The following DNAJC10 variants were observed in gnomAD, a reference collection of about 807,000 sequenced individuals.
DNAJC10 encodes endoplasmic reticulum disulfide reductase DNAJC10.
Under a neutral mutation model 115.0 loss-of-function variants are expected in DNAJC10, and 101 were observed. The observed-to-expected ratio is 0.88, with a 90% confidence interval of 0.75 to 1.04. DNAJC10 has a LOEUF of 1.04. Ranked by LOEUF, DNAJC10 falls within the 50% of genes least tolerant of loss-of-function variation. The pLI, the probability that DNAJC10 is intolerant of heterozygous loss-of-function variation, is 0.00. For synonymous variants in DNAJC10, 307 were observed against 301.5 expected (o/e 1.02, Z -0.19); for missense variants, 981 against 928.8 (o/e 1.06, Z -0.73).
Position 182,755,100 on chromosome 2 carries a change from T to C in DNAJC10, c.1649T>C (p.Ile550Thr), listed in dbSNP as rs781779406. 1.9e-6 allele frequency: 3 copies of C among 1,575,722 alleles called. No homozygotes were observed. The highest frequency in any genetic ancestry group is 2.2e-5 in the South Asian group (2 of 90,240). Residue 550 changes from isoleucine to threonine, a missense_variant, in exon 17 of 24, where the codon ATA becomes ACA. Physicochemically the swap from Ile to Thr is moderately conservative, Grantham distance 89. Coordinates refer to ENST00000264065, the MANE Select transcript of DNAJC10 (RefSeq NM_018981.4). Reference sequence around the variant, plus strand: ...TCTGCTGAACAAATCTTGGAGTTCATAGAGGTATTTCAGATTATAGACTAT... The same window carrying C: ...TCTGCTGAACAAATCTTGGAGTTCACAGAGGTATTTCAGATTATAGACTAT... Reference protein sequence around the residue: ...HHSAEQILEFIEDLMNPSVVS... With the variant: ...HHSAEQILEFTEDLMNPSVVS...
rs568173232 is a variant in DNAJC10 at position 182,785,416 on chromosome 2, A to G, written c.*8284A>G. 6.6e-6 allele frequency: 1 copy of G among 152,152 alleles called. No individual in the cohort carries two copies. The highest frequency in any genetic ancestry group is 6.5e-5 in the Admixed American group (1 of 15,274). 9.4% of individuals were successfully genotyped at this position (152,152 alleles called of 1,614,324 possible). A position where few individuals can be genotyped will look rare whatever the true frequency, so the allele number is the denominator to read the frequency against. On this transcript the variant is annotated 3_prime_UTR_variant, in exon 24 of 24. Coordinates refer to ENST00000264065, the MANE Select transcript of DNAJC10 (RefSeq NM_018981.4). Reference sequence around the variant, plus strand: ...CTTGGTCACAGAAATGGGTGTACTGAATTCTCGCCCTGTAGTCAAGTACTT... The same window carrying G: ...CTTGGTCACAGAAATGGGTGTACTGGATTCTCGCCCTGTAGTCAAGTACTT...
chr2:182,741,141 A>G, intron 12 of DNAJC10, 102 bp from the exon 13 acceptor site: 3 of 706,540 alleles, frequency 4.2e-6, no homozygotes, highest in East Asian at 2.9e-5. Context: ...ATTTTGAAAT[A>G]ATGGGTAGGG....
chr2:182,785,669 G>A lies in DNAJC10; in HGVS notation c.*8537G>A, dbSNP rs897234921. On this transcript the variant is annotated 3_prime_UTR_variant, in exon 24 of 24. Transcript: ENST00000264065. ...AAAAGACAGAGAAAGGTATCGTATA[G>A]CTTAAAAGGAAAAAGAAAAAGAGGC... 6.6e-6 allele frequency: 1 copy of A among 152,080 alleles called. No individual in the cohort carries two copies. The highest frequency in any genetic ancestry group is 1.5e-5 in the Non-Finnish European group (1 of 67,976). 9.4% of individuals were successfully genotyped at this position (152,080 alleles called of 1,614,324 possible). A position where few individuals can be genotyped will look rare whatever the true frequency, so the allele number is the denominator to read the frequency against.
chr2:182,729,408 C>T (rs925698883), intron 7 of DNAJC10, among the ~76,000 whole-genome samples: 1 of 152,162 alleles, frequency 6.6e-6, no homozygotes, highest in African/African-American at 2.4e-5. Flanking sequence ...CTCAGCCTCC[C>T]ACAGTGCTGG....
In DNAJC10 at chr2:182,779,827, C is replaced by T. The variant is rs190929452; in HGVS notation, c.*2695C>T. 175 of 152,204 alleles carry T rather than the reference C, an allele frequency of 1.1e-3. No homozygotes were observed. Among genetic ancestry groups the T allele is most frequent in the African/African-American group, 3.8e-3 (156 of 41,530 alleles). The allele number at this position is 152,204 out of a possible 1,614,324, so 9.4% of individuals were successfully genotyped here. A position where few individuals can be genotyped will look rare whatever the true frequency, so the allele number is the denominator to read the frequency against. On this transcript the variant is annotated 3_prime_UTR_variant, in exon 24 of 24. Coordinates refer to ENST00000264065, the MANE Select transcript of DNAJC10 (RefSeq NM_018981.4). ...AAAAAAACACATTTCCTATGGGACA[C>T]ACATTTCAAAGATGTTTAGTACGAT...
At chr2:182,727,076 A>C (rs1040337961) in intron 5 of DNAJC10, among the ~76,000 whole-genome samples, 6 of 151,434 alleles carry the variant, frequency 4.0e-5, no homozygotes, top group African/African-American at 1.2e-4. Flanking sequence ...TTTAGACATA[A>C]TGCTATTACA....
At chr2:182,754,039 G>A (rs148093822) in intron 16 of DNAJC10, among the ~76,000 whole-genome samples, 1 of 152,122 alleles carries the variant, frequency 6.6e-6, no homozygotes, top group East Asian at 1.9e-4. Context: ...CTTTGACCAA[G>A]TTACTTAGCC....
At chr2:182,721,073 A>G (rs971168686) in intron 4 of DNAJC10, among the ~76,000 whole-genome samples, 1 of 152,172 alleles carries the variant, frequency 6.6e-6, no homozygotes, top group Non-Finnish European at 1.5e-5. Flanking sequence ...GATTGTAAAC[A>G]CACAGGTATC....
At chr2:182,723,819 C>G (rs1197604204) in intron 5 of DNAJC10, among the ~76,000 whole-genome samples, 1 of 152,164 alleles carries the variant, frequency 6.6e-6, no homozygotes, top group Non-Finnish European at 1.5e-5. Context: ...AGCTTAAGAA[C>G]TGTTAATAGT....
rs1695057053 is a variant in DNAJC10, at chr2:182,791,888, A to G, written c.*14756A>G. The G allele has an allele frequency of 6.6e-6, 1 of 152,226 alleles. No individual in the cohort carries two copies. The highest frequency in any genetic ancestry group is 2.1e-4 in the South Asian group (1 of 4,836). The allele number at this position is 152,226 out of a possible 1,614,324, so 9.4% of individuals were successfully genotyped here. ...TCTTACATTTCAACAATGGATGTTT[A>G]AAGCGTTTAAAAGTTATGTTTTGCA... On this transcript the variant is annotated 3_prime_UTR_variant, in exon 24 of 24. Transcript: ENST00000264065.
chr2:182,742,513 G>T (rs898671522), intron 13 of DNAJC10, among the ~76,000 whole-genome samples: 4 of 152,088 alleles, frequency 2.6e-5, no homozygotes, highest in Non-Finnish European at 5.9e-5. Flanking sequence ...TCAACTCAAG[G>T]TTATGTTTTC....
At position 182,780,064 on chromosome 2, in the gene DNAJC10, AATGAAG is replaced by A. The variant is rs1424562775; in HGVS notation, c.*2938_*2943del. 2 of 152,222 alleles carry A rather than the reference AATGAAG, an allele frequency of 1.3e-5. No homozygotes were observed. The highest frequency in any genetic ancestry group is 6.5e-5 in the Admixed American group (1 of 15,276). The allele number at this position is 152,222 out of a possible 1,614,324, so 9.4% of individuals were successfully genotyped here. ...TTTATGATACCTATAGAAAATTGATAATGAAGATGAAAAGTAAATAACCTTTCTGAT... is the reference window on the plus strand; with the variant it reads ...TTTATGATACCTATAGAAAATTGATAATGAAAAGTAAATAACCTTTCTGAT... On this transcript the variant is annotated 3_prime_UTR_variant, in exon 24 of 24. Transcript: ENST00000264065.
intron 23 of DNAJC10, among the ~76,000 whole-genome samples, chr2:182,776,032 A>C (rs958594874): frequency 6.6e-6 from 1 of 152,170 alleles, no homozygotes; most frequent in South Asian, 2.1e-4. Flanking sequence ...AATGTTTTAA[A>C]ATTAGATTGT....
chr2:182,747,002 G>C (rs900452007), intron 14 of DNAJC10, among the ~76,000 whole-genome samples: 52 of 152,016 alleles, frequency 3.4e-4, no homozygotes, highest in African/African-American at 1.3e-3. Context: ...TTTCCCCATT[G>C]CTTGTTTTTC....
At position 182,722,055 on chromosome 2, in the gene DNAJC10, C is replaced by T. The variant is rs1693164334; in HGVS notation, c.398C>T (p.Thr133Ile). ...GIYDDDPEII[T>I]LERREFDAAV... ...TATGATGATGATCCTGAAATCATAA[C>T]ATTGGAAAGAAGAGAATTTGGTAAG... is the stretch of plus-strand genomic sequence containing the variant. The change falls in exon 5 of 24, where the codon ACA becomes ATA. Residue 133 changes from threonine to isoleucine, a missense_variant. Transcript: ENST00000264065. The T allele has an allele frequency of 1.3e-6, 2 of 1,561,264 alleles. No individual in the cohort carries two copies. The highest frequency in any genetic ancestry group is 1.7e-6 in the Non-Finnish European group (2 of 1,150,048).
Position 182,782,075 on chromosome 2 carries a change from T to G in DNAJC10, c.*4943T>G, listed in dbSNP as rs1694860424. 1 of 152,208 alleles carries G rather than the reference T, an allele frequency of 6.6e-6. No homozygotes were observed. 9.4% of individuals were successfully genotyped at this position (152,208 alleles called of 1,614,324 possible). A position where few individuals can be genotyped will look rare whatever the true frequency, so the allele number is the denominator to read the frequency against. On this transcript the variant is annotated 3_prime_UTR_variant, in exon 24 of 24. Transcript: ENST00000264065. ...AGGTTTTCTTCTAGGTTTTTTATGG[T>G]TTCAGACCTTACATTTAAGTCTTTA... is the stretch of plus-strand genomic sequence containing the variant.
Position 182,785,833 on chromosome 2 carries a change from A to G in DNAJC10, c.*8701A>G, listed in dbSNP as rs1315109868. On this transcript the variant is annotated 3_prime_UTR_variant, in exon 24 of 24. Coordinates refer to ENST00000264065, the MANE Select transcript of DNAJC10 (RefSeq NM_018981.4). ...ATATATATATGAAACAGTTGGGGAAATCAGAATATTTGAATTTGATATTAA... is the reference window on the plus strand; with the variant it reads ...ATATATATATGAAACAGTTGGGGAAGTCAGAATATTTGAATTTGATATTAA... 2.6e-5 allele frequency: 4 copies of G among 152,166 alleles called. No individual in the cohort carries two copies. The highest frequency in any genetic ancestry group is 4.8e-5 in the African/African-American group (2 of 41,456). The allele number at this position is 152,166 out of a possible 1,614,324, so 9.4% of individuals were successfully genotyped here. A position where few individuals can be genotyped will look rare whatever the true frequency, so the allele number is the denominator to read the frequency against.
chr2:182,728,725 T>A (rs200601570), intron 6 of DNAJC10, 67 bp downstream of exon 6: 2 of 306,374 alleles, frequency 6.5e-6, no homozygotes, highest in Non-Finnish European at 1.1e-5. Context: ...TATGTTAGAA[T>A]TTTTTTTTCT....
intron 14 of DNAJC10, among the ~76,000 whole-genome samples, chr2:182,744,780 A>G (rs560067687): frequency 1.3e-4 from 20 of 152,316 alleles, no homozygotes; most frequent in African/African-American, 4.8e-4. Context: ...GCCATGGTAG[A>G]TTTTGAATCC....
Sources: allele counts gnomAD v4.1 joint callset (sites outside exome capture counted in the v4.1 genomes callset), GRCh38; gene constraint gnomAD v4.1.1; transcripts MANE v1.5; gene names NCBI Gene and HGNC (gene_info 2026-07-23, HGNC 2026-07-21).